FSTL5: variants seen among roughly 807,000 people sequenced by gnomAD.
FSTL5 encodes the protein follistatin like 5.
FSTL5 carries 62 observed loss-of-function variants against 89.1 expected under a neutral mutation model. The ratio of observed to expected loss-of-function variants is 0.70; its 90% CI spans 0.57 to 0.86. The LOEUF (loss-of-function observed/expected upper bound fraction) is 0.86, where lower values mean the gene tolerates loss of function less well. Among genes scored for constraint, FSTL5 ranks in the 40% least tolerant of loss-of-function variants. The pLI is 0.00. For missense variants in FSTL5, 1,057 were observed against 1,001.6 expected (o/e 1.06, Z -0.75); for synonymous variants, 383 against 346.2 (o/e 1.11, Z -1.18).
chr4:161,479,022 C>A (rs1729406195), intron 13 of FSTL5, among the ~76,000 whole-genome samples: 2 of 151,972 alleles, frequency 1.3e-5, no homozygotes, highest in Admixed American at 1.3e-4. Flanking sequence ...CAATAATTTC[C>A]TTCAAATAGG....
intron 6 of FSTL5, among the ~76,000 whole-genome samples, chr4:161,704,450 G>T (rs1738503030): frequency 6.6e-6 from 1 of 152,070 alleles, no homozygotes; most frequent in African/African-American, 2.4e-5. Flanking sequence ...TTAACTGAGA[G>T]CTGTCTCAGA....
rs1046391753 is a variant in FSTL5 at position 161,972,077 on chromosome 4, G to T, written c.161-51425C>A. Among the ~76,000 whole-genome samples the T allele has an allele frequency of 5.9e-5, 9 of 152,054 alleles. No individual in the cohort carries two copies. The South Asian group carries it at 1.0e-3, about 18-fold the overall frequency. On this transcript the variant is annotated intron_variant, in intron 3 of 15. Coordinates refer to ENST00000306100, the MANE Select transcript of FSTL5 (RefSeq NM_020116.5). The stretch of plus-strand genomic sequence containing the variant: ...CTGCTCCACTTCTCTGATTAATTTT[G>T]GGAAGAAACTGTGATGTGCTTCTTT...
chr4:161,723,437 T>C (rs1739284519), intron 6 of FSTL5, among the ~76,000 whole-genome samples: 1 of 152,208 alleles, frequency 6.6e-6, no homozygotes. Flanking sequence ...ACATCAACAA[T>C]CTGCACTGAA....
intron 3 of FSTL5, among the ~76,000 whole-genome samples, chr4:161,967,774 A>C (rs1453472678): frequency 4.6e-5 from 7 of 151,972 alleles, no homozygotes; most frequent in Non-Finnish European, 1.0e-4. Context: ...TGTATTATTT[A>C]TTTAAAATAA....
At chr4:161,807,202 C>T (rs1381054491) in intron 4 of FSTL5, among the ~76,000 whole-genome samples, 1 of 146,016 alleles carries the variant, frequency 6.8e-6, no homozygotes, top group Non-Finnish European at 1.5e-5. Flanking sequence ...AGAATACACA[C>T]ACACACACAC....
At chr4:161,599,592 A>G (rs1464579624) in intron 7 of FSTL5, among the ~76,000 whole-genome samples, 1 of 152,136 alleles carries the variant, frequency 6.6e-6, no homozygotes, top group Non-Finnish European at 1.5e-5. Flanking sequence ...CATGCAGAAA[A>G]CCACTATTCC....
chr4:161,429,495 A>G (rs569940637), intron 15 of FSTL5, among the ~76,000 whole-genome samples: 1 of 152,164 alleles, frequency 6.6e-6, no homozygotes, highest in Admixed American at 6.5e-5. Flanking sequence ...CCCCTCCGCC[A>G]GCTCCATTGA....
At chr4:162,065,419 A>G (rs1443019674) in intron 2 of FSTL5, among the ~76,000 whole-genome samples, 1 of 152,050 alleles carries the variant, frequency 6.6e-6, no homozygotes, top group Non-Finnish European at 1.5e-5. Flanking sequence ...GTTTTCCAAT[A>G]AAAACATACA....
At chr4:161,976,636 C>G (rs569294451) in intron 3 of FSTL5, among the ~76,000 whole-genome samples, 1 of 152,126 alleles carries the variant, frequency 6.6e-6, no homozygotes, top group Non-Finnish European at 1.5e-5. Flanking sequence ...CGCCCGCCAC[C>G]ACGCCTGGCT....
chr4:161,666,227 ACAAT>A (rs983102814), intron 6 of FSTL5, among the ~76,000 whole-genome samples: 7 of 152,148 alleles, frequency 4.6e-5, no homozygotes, highest in African/African-American at 1.7e-4. Flanking sequence ...CATTAACAAA[ACAAT>A]CAAGAAATCA....
At chr4:161,579,622 C>T (rs1733354414) in intron 8 of FSTL5, among the ~76,000 whole-genome samples, 1 of 151,128 alleles carries the variant, frequency 6.6e-6, no homozygotes, top group Admixed American at 6.6e-5. Flanking sequence ...GAGGCTGAAA[C>T]AGGAGAATTG....
intron 6 of FSTL5, among the ~76,000 whole-genome samples, chr4:161,664,629 TTGTC>T (rs1405842888): frequency 6.6e-6 from 1 of 152,302 alleles, no homozygotes; most frequent in East Asian, 1.9e-4. Flanking sequence ...TTTTCTGTCT[TTGTC>T]TGAGACCTCC....
At chr4:161,645,878 T>C (rs1307917449) in intron 7 of FSTL5, among the ~76,000 whole-genome samples, 1 of 152,174 alleles carries the variant, frequency 6.6e-6, no homozygotes, top group East Asian at 1.9e-4. Context: ...CGGTGAATGA[T>C]GTATTCTATT....
chr4:161,455,165 C>CA, intron 14 of FSTL5, 37 bp from the exon 15 acceptor site: 1 of 1,524,494 alleles, frequency 6.6e-7, no homozygotes, highest in African/African-American at 1.4e-5. Flanking sequence ...CTCAACAATG[C>CA]AGTCACTTCA....
chr4:161,703,804 G>T (rs1022402814), intron 6 of FSTL5, among the ~76,000 whole-genome samples: 3 of 151,992 alleles, frequency 2.0e-5, no homozygotes, highest in African/African-American at 4.8e-5. Flanking sequence ...TGGGACTTAT[G>T]ATATATACCA....
At chr4:161,756,857 CAT>C (rs1740587999) in intron 6 of FSTL5, among the ~76,000 whole-genome samples, 1 of 152,130 alleles carries the variant, frequency 6.6e-6, no homozygotes, top group Non-Finnish European at 1.5e-5. Context: ...CTTACACAAA[CAT>C]ATCCATTTAA....
intron 4 of FSTL5, among the ~76,000 whole-genome samples, chr4:161,872,189 G>A (rs1401033536): frequency 7.7e-6 from 1 of 129,188 alleles, no homozygotes; most frequent in East Asian, 2.4e-4. Flanking sequence ...TGTTGTCCAG[G>A]CTGGTCTCGA....
chr4:162,104,380 G>A (rs964378316), intron 2 of FSTL5, among the ~76,000 whole-genome samples: 2 of 152,146 alleles, frequency 1.3e-5, no homozygotes, highest in African/African-American at 4.8e-5. Context: ...CAGAGAACAC[G>A]AGGCTTGCCA....
chr4:162,095,286 T>C (rs1730706768), intron 2 of FSTL5, among the ~76,000 whole-genome samples: 1 of 152,112 alleles, frequency 6.6e-6, no homozygotes, highest in South Asian at 2.1e-4. Flanking sequence ...TTTCCCAGAA[T>C]ATAAGAAGGT....
Sources: allele counts gnomAD v4.1 joint callset (sites outside exome capture counted in the v4.1 genomes callset), GRCh38; gene constraint gnomAD v4.1.1; transcripts MANE v1.5; gene names NCBI Gene and HGNC (gene_info 2026-07-23, HGNC 2026-07-21).